The following ADK variants were observed in gnomAD, a reference collection of about 807,000 sequenced individuals.
ADK encodes the protein N6,N6-dimethyladenosine kinase.
ADK carries 24 observed loss-of-function variants against 44.7 expected under a neutral mutation model. That is an observed-to-expected ratio of 0.54 (90% CI 0.39 to 0.76). ADK has a LOEUF of 0.76. Ranked by LOEUF, ADK falls within the 30% of genes least tolerant of loss-of-function variation. ADK has a pLI of 0.00. For missense variants in ADK, 321 were observed against 425.1 expected (o/e 0.76, Z 2.15); for synonymous variants, 128 against 142.6 (o/e 0.90, Z 0.73).
intron 9 of ADK, among the ~76,000 whole-genome samples, chr10:74,631,351 T>A (rs1853414831): frequency 6.6e-6 from 1 of 151,624 alleles, no homozygotes; most frequent in Non-Finnish European, 1.5e-5. Context: ...CTCAGCTCAC[T>A]GCAACCTCTG....
intron 8 of ADK, among the ~76,000 whole-genome samples, chr10:74,595,629 G>A (rs924984634): frequency 1.3e-5 from 2 of 150,918 alleles, no homozygotes; most frequent in Admixed American, 1.3e-4. Flanking sequence ...GCCCGCCTCC[G>A]TCTCCCAAAG....
intron 3 of ADK, among the ~76,000 whole-genome samples, chr10:74,308,773 A>T (rs1025044736): frequency 2.0e-5 from 3 of 152,168 alleles, no homozygotes; most frequent in African/African-American, 7.2e-5. Context: ...TGTTGTTTTT[A>T]TGCTGTGCTG....
intron 6 of ADK, among the ~76,000 whole-genome samples, chr10:74,422,316 T>C (rs192669450): frequency 2.0e-5 from 3 of 152,244 alleles, no homozygotes; most frequent in Non-Finnish European, 4.4e-5. Flanking sequence ...ACTGTCAAGG[T>C]TGTGAACAAT....
chr10:74,459,410 GAC>G (rs1412025391), intron 6 of ADK, among the ~76,000 whole-genome samples: 1 of 151,926 alleles, frequency 6.6e-6, no homozygotes, highest in Admixed American at 6.6e-5. Flanking sequence ...AGTTCAGCAG[GAC>G]ACAGTTTGGT....
At chr10:74,696,241 G>A (rs976052997) in intron 10 of ADK, among the ~76,000 whole-genome samples, 9 of 151,900 alleles carry the variant, frequency 5.9e-5, no homozygotes, top group South Asian at 2.1e-4. Flanking sequence ...GGCTGGTCTC[G>A]AACTCCTGAC....
intron 4 of ADK, among the ~76,000 whole-genome samples, chr10:74,348,886 C>A (rs1592081869): frequency 6.6e-6 from 1 of 151,098 alleles, no homozygotes; most frequent in African/African-American, 2.4e-5. Flanking sequence ...ATGGAATGAA[C>A]AAAACCTCCA....
At chr10:74,515,930 G>T (rs1848550967) in intron 6 of ADK, among the ~76,000 whole-genome samples, 1 of 152,174 alleles carries the variant, frequency 6.6e-6, no homozygotes. Context: ...CTTGTTTGGA[G>T]TTGGCATAAT....
chr10:74,680,208 G>A (rs1472295542), intron 10 of ADK, among the ~76,000 whole-genome samples: 12 of 151,202 alleles, frequency 7.9e-5, no homozygotes, highest in Admixed American at 4.6e-4. Flanking sequence ...CCAGCTACTC[G>A]GGAGGCTGAG....
At chr10:74,616,063 G>T (rs1852748479) in intron 9 of ADK, among the ~76,000 whole-genome samples, 1 of 152,168 alleles carries the variant, frequency 6.6e-6, no homozygotes, top group Non-Finnish European at 1.5e-5. Context: ...GGGTTCTTTT[G>T]CCCATATTGA....
intron 4 of ADK, among the ~76,000 whole-genome samples, chr10:74,342,779 T>TTGTG (rs757212421): frequency 0.037 from 5,247 of 141,372 alleles, 150 homozygotes; most frequent in East Asian, 0.077. Flanking sequence ...CTAGCTCAGT[T>TTGTG]TGTGTGTGTG....
At chr10:74,230,102 A>G (rs911521614) in intron 3 of ADK, among the ~76,000 whole-genome samples, 2 of 147,530 alleles carry the variant, frequency 1.4e-5, no homozygotes, top group African/African-American at 5.0e-5. Context: ...CTGTAAAGCT[A>G]ATAGAAAAAA....
At chr10:74,261,004 A>G (rs896773490) in intron 3 of ADK, among the ~76,000 whole-genome samples, 2 of 152,198 alleles carry the variant, frequency 1.3e-5, no homozygotes, top group African/African-American at 2.4e-5. Flanking sequence ...GATGTTATCT[A>G]TTGACCTTTT....
chr10:74,243,770 C>T (rs948210840), intron 3 of ADK, among the ~76,000 whole-genome samples: 46 of 152,016 alleles, frequency 3.0e-4, no homozygotes, highest in African/African-American at 8.0e-4. Flanking sequence ...CTCTGAGGCA[C>T]GGAAATCGCT....
intron 10 of ADK, among the ~76,000 whole-genome samples, chr10:74,684,062 G>A (rs1855708619): frequency 2.0e-5 from 3 of 152,200 alleles, no homozygotes; most frequent in Admixed American, 6.5e-5. Context: ...CAGTGTCAGG[G>A]TGGATGAATT....
chr10:74,524,207 A>G (rs1848952137), intron 6 of ADK, among the ~76,000 whole-genome samples: 1 of 152,240 alleles, frequency 6.6e-6, no homozygotes, highest in Non-Finnish European at 1.5e-5. Context: ...AAAGCTGTAC[A>G]TAAATAGCAT....
At chr10:74,532,817 G>A (rs1041215706) in intron 7 of ADK, among the ~76,000 whole-genome samples, 7 of 151,324 alleles carry the variant, frequency 4.6e-5, no homozygotes, top group African/African-American at 1.7e-4. Context: ...AGGAGAACCC[G>A]GGAGGCTGAC....
intron 7 of ADK, among the ~76,000 whole-genome samples, chr10:74,570,867 A>G (rs557868393): frequency 0.042 from 6,405 of 151,830 alleles, 403 homozygotes; most frequent in African/African-American, 0.13. Flanking sequence ...TCTTGTGCCC[A>G]TTTTCAAAGG....
chr10:74,665,026 C>A (rs1326590185), intron 9 of ADK, among the ~76,000 whole-genome samples: 1 of 152,072 alleles, frequency 6.6e-6, no homozygotes, highest in Admixed American at 6.6e-5. Context: ...AGGAAATACA[C>A]ACTGAAGTAT....
At chr10:74,674,747 C>T (rs867880700) in intron 10 of ADK, among the ~76,000 whole-genome samples, 3 of 151,978 alleles carry the variant, frequency 2.0e-5, no homozygotes, top group Non-Finnish European at 2.9e-5. Flanking sequence ...CCGGGCATGG[C>T]GTTGCATGCC....
Sources: gnomAD v4.1 joint callset for allele counts (sites outside exome capture counted in the v4.1 genomes callset) on GRCh38, gnomAD v4.1.1 for gene constraint, MANE v1.5 for transcripts, NCBI Gene and HGNC (gene_info 2026-07-23, HGNC 2026-07-21) for gene names.